SPTY2D1: variants seen among roughly 807,000 people sequenced by gnomAD.
The protein encoded by SPTY2D1 is protein SPT2 homolog.
Under a neutral mutation model 64.0 loss-of-function variants are expected in SPTY2D1, and 21 were observed. That is an observed-to-expected ratio of 0.33 (90% CI 0.23 to 0.47). The LOEUF (loss-of-function observed/expected upper bound fraction) is 0.47, where lower values mean the gene tolerates loss of function less well. Ranked by LOEUF, SPTY2D1 falls within the 20% of genes least tolerant of loss-of-function variation. SPTY2D1 has a pLI of 1.00. For synonymous variants in SPTY2D1, 287 were observed against 286.8 expected (o/e 1.00, Z -0.01); for missense variants, 724 against 837.2 (o/e 0.86, Z 1.67).
At position 18,616,885 on chromosome 11, in the gene SPTY2D1, C is replaced by T. The variant is rs1279931909; in HGVS notation, c.165G>A (p.Leu55=). The part of the protein sequence containing the change: ...QAFLKRKEEE[L]RRKALEEKRR... Reference sequence around the variant, plus strand: ...GCTATAGATACATACCTTTTCGTCTCAGCTCCTCTTCTTTCCTTTTAAGAA... The same window carrying T: ...GCTATAGATACATACCTTTTCGTCTTAGCTCCTCTTCTTTCCTTTTAAGAA... The change falls in exon 2 of 6, where the codon CTG becomes CTA. Residue 55 remains leucine (L), a synonymous_variant. Transcript: ENST00000336349. 2.5e-6 allele frequency: 4 copies of T among 1,613,922 alleles called. No individual in the cohort carries two copies. The highest frequency in any genetic ancestry group is 1.7e-5 in the Admixed American group (1 of 59,974).
intron 3 of SPTY2D1, 62 bp downstream of exon 3, chr11:18,614,500 TA>T: frequency 6.7e-7 from 1 of 1,500,514 alleles, no homozygotes; most frequent in Non-Finnish European, 9.0e-7. Flanking sequence ...CCTGATAATA[TA>T]AAAACTCTTT....
intron 1 of SPTY2D1, among the ~76,000 whole-genome samples, chr11:18,624,880 T>A (rs1854470904): frequency 1.3e-5 from 2 of 152,108 alleles, no homozygotes; most frequent in African/African-American, 4.8e-5. Flanking sequence ...TTGCCTGTAA[T>A]CCCAGCTACT....
At chr11:18,630,143 T>C (rs1044224436) in intron 1 of SPTY2D1, among the ~76,000 whole-genome samples, 1 of 150,326 alleles carries the variant, frequency 6.7e-6, no homozygotes, top group African/African-American at 2.5e-5. Context: ...CACTTCAGCC[T>C]GGTGACAGAG....
At chr11:18,625,846 C>T (rs1324855822) in intron 1 of SPTY2D1, among the ~76,000 whole-genome samples, 3 of 142,058 alleles carry the variant, frequency 2.1e-5, no homozygotes, top group South Asian at 2.3e-4. Flanking sequence ...GATGGAGTCT[C>T]GCTCTGTTGC....
Position 18,615,081 on chromosome 11 carries a change from C to G in SPTY2D1, c.1193G>C (p.Arg398Thr). ...TGAGCTGGAGCTGCCATTCTGGCGC[C>G]TAGGCACAGGGCCAGAACTAACTGT... Reference protein sequence around the residue: ...RPTVSSGPVPRRQNGSSSSGP... With the variant: ...RPTVSSGPVPTRQNGSSSSGP... The change falls in exon 3 of 6, where the codon AGG becomes ACG. Residue 398 changes from arginine to threonine, a missense_variant. Physicochemically the swap from Arg to Thr is moderately conservative, Grantham distance 71. Around this residue, in one of 3 missense-constraint regions of SPTY2D1, gnomAD observed 426 missense variants for 431.8 expected, o/e 0.99. Transcript: ENST00000336349. The G allele has an allele frequency of 6.2e-7, 1 of 1,614,206 alleles. No homozygotes were observed. Among genetic ancestry groups the G allele is most frequent in the Middle Eastern group, 1.6e-4 (1 of 6,062 alleles).
chr11:18,616,763 C>CACACACACACACA, intron 2 of SPTY2D1, 112 bp downstream of exon 2: 1 of 817,466 alleles, frequency 1.2e-6, no homozygotes, highest in African/African-American at 1.8e-5. Flanking sequence ...ACACACACAC[C>CACACACACACACA]CTCCCAAATC....
intron 2 of SPTY2D1, 141 bp downstream of exon 2, chr11:18,616,734 C>CAG: frequency 3.6e-4 from 1 of 2,740 alleles, no homozygotes; most frequent in Non-Finnish European, 1.2e-3. Context: ...TTAACCTGGA[C>CAG]ACACACACAC....
At chr11:18,624,644 T>C (rs956295139) in intron 1 of SPTY2D1, among the ~76,000 whole-genome samples, 1 of 152,128 alleles carries the variant, frequency 6.6e-6, no homozygotes, top group African/African-American at 2.4e-5. Flanking sequence ...ATTAAGAAAA[T>C]AAGGAGACAT....
At position 18,615,138 on chromosome 11, in the gene SPTY2D1, G is replaced by C; in HGVS notation, c.1136C>G (p.Pro379Arg). ...RQPGSSSSSA[P>R]GQPSTGVARP... ...AGCAACCCCTGTGCTGGGCTGCCCA[G>C]GGGCTGAGCTAGAGCTGCTGCCTGG... The change falls in exon 3 of 6, where the codon CCT (proline) becomes CGT (arginine). Residue 379 changes from proline to arginine, a missense_variant. Coordinates refer to ENST00000336349, the MANE Select transcript of SPTY2D1 (RefSeq NM_194285.3). The C allele has an allele frequency of 6.2e-7, 1 of 1,614,224 alleles. No individual in the cohort carries two copies. The highest frequency in any genetic ancestry group is 8.5e-7 in the Non-Finnish European group (1 of 1,180,036).
intron 3 of SPTY2D1, 79 bp downstream of exon 3, chr11:18,614,484 A>G: frequency 7.2e-7 from 1 of 1,383,236 alleles, no homozygotes; most frequent in South Asian, 1.3e-5. Context: ...AGGGGTTCAA[A>G]GGGTCCCTGA....
In SPTY2D1 at chr11:18,615,317, G is replaced by T; in HGVS notation, c.957C>A (p.Thr319=). The change falls in exon 3 of 6, where the codon ACC becomes ACA. Residue 319 remains threonine, a synonymous_variant. Coordinates refer to ENST00000336349, the MANE Select transcript of SPTY2D1 (RefSeq NM_194285.3). ...AAGTCTTTGGGACACTTGGTGAAGA[G>T]GTGCTGGAATGAGGCTTTCCAGCTC... ...FNGAGKPHSS[T]SSPSVPKTSA... is the part of the protein sequence containing the mutation. 1 of 1,614,222 alleles carries T rather than the reference G, an allele frequency of 6.2e-7. No individual in the cohort carries two copies. Among genetic ancestry groups the T allele is most frequent in the South Asian group, 1.1e-5 (1 of 91,084 alleles).
intron 1 of SPTY2D1, among the ~76,000 whole-genome samples, chr11:18,626,538 G>A (rs1021428731): frequency 1.3e-5 from 2 of 152,044 alleles, no homozygotes; most frequent in Admixed American, 6.6e-5. Flanking sequence ...CTCAGTACAC[G>A]CCCCTCATTC....
Position 18,626,351 on chromosome 11 carries a change from T to C in SPTY2D1, c.60+7847A>G, listed in dbSNP as rs1854497629. On this transcript the variant is annotated intron_variant, in intron 1 of 5. Coordinates refer to ENST00000336349, the MANE Select transcript of SPTY2D1 (RefSeq NM_194285.3). ...CTGCCTATCAGTTTCCAAATGATTT[T>C]GGTTCAGCCTTTACATTTGTCTCCC... Among the ~76,000 whole-genome samples the C allele has an allele frequency of 2.0e-5, 3 of 152,174 alleles. 1 individual carries two copies. Among genetic ancestry groups the C allele is most frequent in the South Asian group, 4.1e-4 (2 of 4,832 alleles).
chr11:18,612,631 T>A lies in SPTY2D1; in HGVS notation c.1712-143A>T. On this transcript the variant is annotated intron_variant, in intron 3 of 5. Transcript: ENST00000336349. This position sits in a 1 kb window ranked among gnomAD's most constrained non-coding sequence, Gnocchi z 4.6. ...GCTGGCCCTTAGCGCAGAGCCATCATCCTTGCTGTGTCATGGTATCCAGAA... is the reference window on the plus strand; with the variant it reads ...GCTGGCCCTTAGCGCAGAGCCATCAACCTTGCTGTGTCATGGTATCCAGAA... The A allele has an allele frequency of 1.7e-6, 1 of 579,146 alleles. No homozygotes were observed. The highest frequency in any genetic ancestry group is 4.5e-5 in the South Asian group (1 of 22,014). 35.9% of individuals were successfully genotyped at this position (579,146 alleles called of 1,614,324 possible). A position where few individuals can be genotyped will look rare whatever the true frequency, so the allele number is the denominator to read the frequency against.
At chr11:18,620,641 C>A (rs1362514653) in intron 1 of SPTY2D1, among the ~76,000 whole-genome samples, 1 of 152,044 alleles carries the variant, frequency 6.6e-6, no homozygotes, top group Non-Finnish European at 1.5e-5. Context: ...AATCCCAGCA[C>A]TTTGGGAGGC....
chr11:18,615,692 C>T lies in SPTY2D1; in HGVS notation c.582G>A (p.Glu194=). Residue 194 remains glutamate (E), a synonymous_variant, in exon 3 of 6, where the codon GAG becomes GAA. Transcript: ENST00000336349. ...TAAGTTCTTCTGCGGTCATAGGTCG[C>T]TCTTCTGATTTCTTCACTACCTTGA... ...VEIKVVKKSE[E]RPMTAEELRE... 6.2e-7 allele frequency: 1 copy of T among 1,614,110 alleles called. No homozygotes were observed. Among genetic ancestry groups the T allele is most frequent in the African/African-American group, 1.3e-5 (1 of 75,010 alleles).
At chr11:18,621,273 G>A (rs1724374474) in intron 1 of SPTY2D1, among the ~76,000 whole-genome samples, 1 of 151,162 alleles carries the variant, frequency 6.6e-6, no homozygotes, top group Non-Finnish European at 1.5e-5. Flanking sequence ...TTCAGCCTGG[G>A]TGATTGTACT....
At chr11:18,617,088 A>C in intron 1 of SPTY2D1, 99 bp from the exon 2 acceptor site, 1 of 904,498 alleles carries the variant, frequency 1.1e-6, no homozygotes, top group Non-Finnish European at 1.8e-6. Context: ...ATAAATGTTA[A>C]CTGTGAAACC....
intron 1 of SPTY2D1, among the ~76,000 whole-genome samples, chr11:18,623,169 C>T (rs1444728766): frequency 2.0e-5 from 3 of 151,828 alleles, no homozygotes; most frequent in Non-Finnish European, 2.9e-5. Flanking sequence ...TAAGTTATCA[C>T]AAATTTAAAA....
Sources: gnomAD v4.1 joint callset for allele counts (sites outside exome capture counted in the v4.1 genomes callset) on GRCh38, gnomAD v4.1.1 for gene constraint, gnomAD v4.1.1 regional missense constraint, Gnocchi (gnomAD v3.1) non-coding constraint, MANE v1.5 for transcripts, NCBI Gene and HGNC (gene_info 2026-07-23, HGNC 2026-07-21) for gene names.